ANO10: variants seen among roughly 807,000 people sequenced by gnomAD.
The protein encoded by ANO10 is anoctamin 10.
A neutral mutation model predicts 74.7 loss-of-function variants in ANO10; 77 were observed. That is an observed-to-expected ratio of 1.03 (90% CI 0.86 to 1.25). The LOEUF is 1.25. ANO10 is among the 50% of genes most tolerant of loss of function. ANO10 has a pLI of 0.00. For synonymous variants in ANO10, 279 were observed against 284.9 expected (o/e 0.98, Z 0.21); for missense variants, 721 against 778.1 (o/e 0.93, Z 0.87).
chr3:43,516,520 T>C (rs1200552452), intron 11 of ANO10, among the ~76,000 whole-genome samples: 1 of 152,212 alleles, frequency 6.6e-6, no homozygotes, highest in Non-Finnish European at 1.5e-5. Context: ...CTGGACTTTA[T>C]TTTGTAAGAA....
At chr3:43,531,540 T>C (rs927141435) in intron 11 of ANO10, among the ~76,000 whole-genome samples, 2 of 152,120 alleles carry the variant, frequency 1.3e-5, no homozygotes, top group Non-Finnish European at 1.5e-5. Context: ...AAAATAAATA[T>C]ATAGGTCTCT....
intron 11 of ANO10, among the ~76,000 whole-genome samples, chr3:43,458,604 C>A (rs1174569913): frequency 2.6e-5 from 4 of 152,284 alleles, no homozygotes; most frequent in African/African-American, 9.6e-5. Flanking sequence ...ACAAGAAATG[C>A]AGAGAGCTTT....
rs1007411248 is a variant in ANO10 at position 43,578,821 on chromosome 3, T to C, written c.592+1532A>G. Among the ~76,000 whole-genome samples the C allele has an allele frequency of 5.1e-4, 63 of 123,436 alleles. 1 individual carries two copies. The highest frequency in any genetic ancestry group is 4.7e-3 in the Admixed American group (54 of 11,390). The allele number at this position is 123,436 out of a possible 152,430, so 81.0% of individuals were successfully genotyped here. A position where few individuals can be genotyped will look rare whatever the true frequency, so the allele number is the denominator to read the frequency against. On this transcript the variant is annotated intron_variant, in intron 5 of 12. Transcript: ENST00000292246. ...GTCACTTTACAAGTCCTAGAGGCAATATTCAAATTTCCTGCCACTTAAATG... is the reference window on the plus strand; with the variant it reads ...GTCACTTTACAAGTCCTAGAGGCAACATTCAAATTTCCTGCCACTTAAATG...
At position 43,598,677 on chromosome 3, in the gene ANO10, A is replaced by G. The variant is rs774494441; in HGVS notation, c.338-11T>C. On this transcript the variant is annotated splice_polypyrimidine_tract_variant and intron_variant, in intron 3 of 12. Coordinates refer to ENST00000292246, the MANE Select transcript of ANO10 (RefSeq NM_018075.5). ...AATCATCATTGTTATCTAAAATAAAACAGAAATTACCAGATTTTAGTAATA... is the reference window on the plus strand; with the variant it reads ...AATCATCATTGTTATCTAAAATAAAGCAGAAATTACCAGATTTTAGTAATA... The G allele has an allele frequency of 1.3e-6, 2 of 1,584,250 alleles. No homozygotes were observed. The highest frequency in any genetic ancestry group is 1.7e-6 in the Non-Finnish European group (2 of 1,159,708).
chr3:43,669,672 T>C lies in ANO10; in HGVS notation c.-12+21845A>G, dbSNP rs539955574. ...GATGTTTGGATGGAGTGGCAACTTC[T>C]AAGATCTTTATATTTTGGACCGGAA... is the stretch of plus-strand genomic sequence containing the variant. On this transcript the variant is annotated intron_variant, in intron 1 of 3. Transcript: ENST00000413397. Among the ~76,000 whole-genome samples the C allele has an allele frequency of 3.9e-5, 6 of 152,306 alleles. No homozygotes were observed. In the South Asian group the frequency reaches 1.2e-3, roughly 32 times the overall value.
intron 11 of ANO10, among the ~76,000 whole-genome samples, chr3:43,454,246 G>A (rs1014386549): frequency 2.6e-5 from 4 of 152,182 alleles, no homozygotes; most frequent in African/African-American, 9.7e-5. Context: ...AGAACGTTGA[G>A]AGGAGTTGAT....
chr3:43,584,392 G>A (rs1037249502), intron 4 of ANO10, among the ~76,000 whole-genome samples: 1 of 152,174 alleles, frequency 6.6e-6, no homozygotes, highest in Non-Finnish European at 1.5e-5. Flanking sequence ...TGGACAGTGG[G>A]AAGCCAGGAC....
chr3:43,577,688 G>A (rs1559731599), intron 5 of ANO10, among the ~76,000 whole-genome samples: 1 of 152,030 alleles, frequency 6.6e-6, no homozygotes, highest in East Asian at 1.9e-4. Context: ...TCTTTTTGAC[G>A]AAGACTCCCC....
At chr3:43,441,626 T>C (rs2093161471) in intron 11 of ANO10, among the ~76,000 whole-genome samples, 1 of 152,094 alleles carries the variant, frequency 6.6e-6, no homozygotes, top group Non-Finnish European at 1.5e-5. Flanking sequence ...TCCAAAATAC[T>C]GACAAGAAGG....
chr3:43,681,887 C>A (rs2084206525), intron 1 of ANO10, among the ~76,000 whole-genome samples: 1 of 152,112 alleles, frequency 6.6e-6, no homozygotes, highest in Non-Finnish European at 1.5e-5. Flanking sequence ...CCAATGAGAA[C>A]AAAGACACAA....
At chr3:43,495,616 TAAG>T (rs150443770) in intron 11 of ANO10, among the ~76,000 whole-genome samples, 3,598 of 152,240 alleles carry the variant, frequency 0.024, 144 homozygotes, top group African/African-American at 0.081. Context: ...TTGAACATAA[TAAG>T]AAAGTATTCT....
At chr3:43,556,119 T>G (rs1030839606) in intron 9 of ANO10, among the ~76,000 whole-genome samples, 1 of 152,236 alleles carries the variant, frequency 6.6e-6, no homozygotes, top group Non-Finnish European at 1.5e-5. Context: ...TTGCAGCATC[T>G]AGTTATGGTT....
In ANO10 at chr3:43,680,582, C is replaced by G. The variant is rs577429302; in HGVS notation, c.-12+10935G>C. Among the ~76,000 whole-genome samples, 5 of 152,194 alleles carry G rather than the reference C, an allele frequency of 3.3e-5. No homozygotes were observed. In the South Asian group the frequency reaches 1.0e-3, roughly 32 times the overall value. On this transcript the variant is annotated intron_variant, in intron 1 of 3. Transcript: ENST00000413397. ...ATTCAAATTCAGGAAATACAGAGACCACCACAAAGATACTCCTCGAGAAGA... is the reference window on the plus strand; with the variant it reads ...ATTCAAATTCAGGAAATACAGAGACGACCACAAAGATACTCCTCGAGAAGA...
chr3:43,532,552 A>G (rs538138919), intron 11 of ANO10, among the ~76,000 whole-genome samples: 2 of 152,318 alleles, frequency 1.3e-5, no homozygotes, highest in Non-Finnish European at 2.9e-5. Flanking sequence ...AAATTCTCAA[A>G]ACAAAATTAA....
chr3:43,685,100 GAT>G (rs535503554), intron 1 of ANO10, among the ~76,000 whole-genome samples: 68 of 152,236 alleles, frequency 4.5e-4, no homozygotes, highest in African/African-American at 1.4e-3. Context: ...AAAAAATAAA[GAT>G]TGTTTATTTT....
intron 11 of ANO10, among the ~76,000 whole-genome samples, chr3:43,434,364 C>A (rs2093035990): frequency 6.6e-6 from 1 of 152,182 alleles, no homozygotes; most frequent in Non-Finnish European, 1.5e-5. Flanking sequence ...TGGATATAAT[C>A]TCCAAAGAAT....
chr3:43,478,861 T>C (rs1002466470), intron 11 of ANO10, among the ~76,000 whole-genome samples: 7 of 152,232 alleles, frequency 4.6e-5, no homozygotes, highest in Non-Finnish European at 1.5e-5. Context: ...ACTTCCAAAT[T>C]GTCTCCATTT....
chr3:43,565,286 C>G (rs2080256673), intron 8 of ANO10, among the ~76,000 whole-genome samples: 1 of 152,192 alleles, frequency 6.6e-6, no homozygotes, highest in South Asian at 2.1e-4. Flanking sequence ...AACTTATTAA[C>G]TTAAAAATTA....
intron 11 of ANO10, among the ~76,000 whole-genome samples, chr3:43,544,498 A>C (rs1335442257): frequency 1.3e-5 from 2 of 152,084 alleles, no homozygotes; most frequent in African/African-American, 4.8e-5. Flanking sequence ...TTTAAAAAAA[A>C]ATGAAGAATC....
Sources: gnomAD v4.1 joint callset for allele counts (sites outside exome capture counted in the v4.1 genomes callset) on GRCh38, gnomAD v4.1.1 for gene constraint, MANE v1.5 for transcripts, NCBI Gene and HGNC (gene_info 2026-07-23, HGNC 2026-07-21) for gene names.